The following FCHO2 variants were observed in gnomAD, a reference collection of about 807,000 sequenced individuals.
The protein encoded by FCHO2 is FCH and mu domain containing endocytic adaptor 2, also known as F-BAR domain only protein 2.
FCHO2 carries 43 observed loss-of-function variants against 114.1 expected under a neutral mutation model. The observed-to-expected ratio is 0.38, with a 90% confidence interval of 0.30 to 0.49. The LOEUF is 0.49. FCHO2 is among the 20% of genes least tolerant of loss of function. The pLI is 0.97. For missense variants in FCHO2, 807 were observed against 950.4 expected (o/e 0.85, Z 1.98); for synonymous variants, 293 against 315.2 (o/e 0.93, Z 0.75).
intron 9 of FCHO2, among the ~76,000 whole-genome samples, 182 bp downstream of exon 9, chr5:73,034,883 G>T (rs1209761315): frequency 6.6e-6 from 1 of 152,120 alleles, no homozygotes; most frequent in Non-Finnish European, 1.5e-5. Flanking sequence ...ATAAATAACA[G>T]ATTTTCCCAA....
chr5:72,994,205 T>A (rs560558103), intron 5 of FCHO2, among the ~76,000 whole-genome samples: 1 of 152,232 alleles, frequency 6.6e-6, no homozygotes, highest in African/African-American at 2.4e-5. Flanking sequence ...AGACAACCTG[T>A]AGAATGGGAG....
chr5:72,996,496 A>G (rs999892649), intron 5 of FCHO2, among the ~76,000 whole-genome samples: 8 of 152,072 alleles, frequency 5.3e-5, no homozygotes, highest in Non-Finnish European at 8.8e-5. Flanking sequence ...ATTCTCTGTA[A>G]AAACAGAAAA....
At chr5:73,071,716 T>C (rs1195184948) in intron 19 of FCHO2, among the ~76,000 whole-genome samples, 1 of 152,060 alleles carries the variant, frequency 6.6e-6, no homozygotes, top group African/African-American at 2.4e-5. Flanking sequence ...TTTTGAAGTA[T>C]CCATGTGCAA....
At chr5:73,036,105 C>G (rs1470474662) in intron 9 of FCHO2, among the ~76,000 whole-genome samples, 1 of 151,902 alleles carries the variant, frequency 6.6e-6, no homozygotes, top group African/African-American at 2.4e-5. Flanking sequence ...GTCGGCCTTC[C>G]AAAGTGCTGG....
intron 16 of FCHO2, among the ~76,000 whole-genome samples, chr5:73,057,144 AG>A (rs1298022317): frequency 6.6e-6 from 1 of 150,976 alleles, no homozygotes; most frequent in Non-Finnish European, 1.5e-5. Context: ...TATATTTCCC[AG>A]GCTGGTCTCG....
chr5:73,085,024 A>G (rs1291573919), intron 24 of FCHO2, among the ~76,000 whole-genome samples: 1 of 152,254 alleles, frequency 6.6e-6, no homozygotes, highest in African/African-American at 2.4e-5. Context: ...TACTATTGTA[A>G]ATAATTAACA....
intron 8 of FCHO2, among the ~76,000 whole-genome samples, chr5:73,017,947 A>G (rs1218929031): frequency 6.6e-6 from 1 of 152,140 alleles, no homozygotes; most frequent in Non-Finnish European, 1.5e-5. Context: ...ATCAAATGTA[A>G]TAAGTACCCC....
intron 22 of FCHO2, among the ~76,000 whole-genome samples, chr5:73,078,887 T>C (rs1743001322): frequency 6.6e-6 from 1 of 152,170 alleles, no homozygotes; most frequent in Non-Finnish European, 1.5e-5. Context: ...GAGAAAAATA[T>C]TCACAAAGAA....
In FCHO2 at chr5:73,081,980, A is replaced by G. The variant is rs766927621; in HGVS notation, c.2178A>G (p.Ile726Met). The change falls in exon 23 of 26, where the codon ATA becomes ATG. Residue 726 changes from isoleucine (I) to methionine (M), a missense_variant and splice_region_variant. Transcript: ENST00000430046. ...ACATGCAGTCCCTTCCCCCTGCAATATGGTAAATTAAACATACGTTTCTGA... is the reference window on the plus strand; with the variant it reads ...ACATGCAGTCCCTTCCCCCTGCAATGTGGTAAATTAAACATACGTTTCTGA... ...VTNMQSLPPAIWNAEQMKAFW... is the reference protein window; with the variant it reads ...VTNMQSLPPAMWNAEQMKAFW... 6.7e-7 allele frequency: 1 copy of G among 1,494,896 alleles called. No individual in the cohort carries two copies. The highest frequency in any genetic ancestry group is 1.4e-5 in the African/African-American group (1 of 70,832). The allele number at this position is 1,494,896 out of a possible 1,614,324, so 92.6% of individuals were successfully genotyped here. A position where few individuals can be genotyped will look rare whatever the true frequency, so the allele number is the denominator to read the frequency against.
chr5:72,997,752 G>C (rs1754202341), intron 5 of FCHO2: 3 of 1,396,392 alleles, frequency 2.1e-6, no homozygotes, highest in Admixed American at 2.3e-5. Context: ...GGCAGGGTCT[G>C]CCCCTCCAAC....
chr5:73,058,439 A>G lies in FCHO2; in HGVS notation c.1260A>G (p.Gly420=). 4 of 1,555,554 alleles carry G rather than the reference A, an allele frequency of 2.6e-6. No individual in the cohort carries two copies. The highest frequency in any genetic ancestry group is 3.5e-6 in the Non-Finnish European group (4 of 1,149,628). ...SKPSAPPNEK[G]TSDLLAWDPL... is the part of the protein sequence containing the mutation. Reference sequence around the variant, plus strand: ...TTTAAAAATATTATGGTAGAAAAGGAACCAGTGATTTACTTGCTTGGGACC... The same window carrying G: ...TTTAAAAATATTATGGTAGAAAAGGGACCAGTGATTTACTTGCTTGGGACC... The change falls in exon 17 of 26, where the codon GGA becomes GGG. Residue 420 remains glycine, a synonymous_variant. Transcript: ENST00000430046.
At position 73,052,349 on chromosome 5, in the gene FCHO2, T is replaced by G; in HGVS notation, c.1015T>G (p.Phe339Val). Residue 339 changes from phenylalanine to valine, a missense_variant, in exon 13 of 26, where the codon TTC becomes GTC. Transcript: ENST00000430046. Reference protein sequence around the residue: ...TNQNDTKENHFYSSSDSDSED... With the variant: ...TNQNDTKENHVYSSSDSDSED... ...AAACTCACATACCAAAGAGAACCAT[T>G]TCTACTCATCTAGTGATTCTGACTC... The G allele has an allele frequency of 2.5e-6, 4 of 1,608,170 alleles. No individual in the cohort carries two copies. Among genetic ancestry groups the G allele is most frequent in the Non-Finnish European group, 3.4e-6 (4 of 1,177,192 alleles).
chr5:73,087,984 G>A, intron 25 of FCHO2, 84 bp from the exon 26 acceptor site: 2 of 1,570,304 alleles, frequency 1.3e-6, no homozygotes, highest in East Asian at 2.3e-5. Context: ...GGGAACTAGA[G>A]TTTTGTATTG....
intron 8 of FCHO2, among the ~76,000 whole-genome samples, chr5:73,034,302 A>G (rs572424568): frequency 1.3e-5 from 2 of 152,296 alleles, no homozygotes; most frequent in African/African-American, 4.8e-5. Flanking sequence ...GGATTCAGCA[A>G]CCACCTTTAC....
At chr5:73,014,589 ATAT>A (rs1367331543) in intron 6 of FCHO2, among the ~76,000 whole-genome samples, 1 of 152,034 alleles carries the variant, frequency 6.6e-6, no homozygotes, top group East Asian at 1.9e-4. Context: ...TGCCCGGTGT[ATAT>A]TATTATTTCA....
chr5:72,992,460 A>C (rs548511772), intron 5 of FCHO2, among the ~76,000 whole-genome samples: 2 of 152,342 alleles, frequency 1.3e-5, no homozygotes, highest in South Asian at 4.1e-4. Flanking sequence ...TGGCACGTAG[A>C]GATTGATTAT....
intron 24 of FCHO2, among the ~76,000 whole-genome samples, chr5:73,086,407 T>G (rs1580216631): frequency 6.6e-6 from 1 of 152,308 alleles, no homozygotes; most frequent in Non-Finnish European, 1.5e-5. Context: ...CTATTCTCCA[T>G]TTCTCTGTGT....
chr5:73,041,276 A>G lies in FCHO2; in HGVS notation c.915-15A>G, dbSNP rs768214329. 30 of 1,465,022 alleles carry G rather than the reference A, an allele frequency of 2.0e-5. No individual in the cohort carries two copies. The highest frequency in any genetic ancestry group is 2.8e-5 in the Non-Finnish European group (29 of 1,052,140). 90.8% of individuals were successfully genotyped at this position (1,465,022 alleles called of 1,614,324 possible). On this transcript the variant is annotated splice_polypyrimidine_tract_variant and intron_variant, in intron 10 of 25. Transcript: ENST00000430046. ...ATTCTAATTATTGAGTATTTCTGAT[A>G]TTTTGTTTTAATAGGGAATGTCCTG... is the stretch of plus-strand genomic sequence containing the variant.
intron 5 of FCHO2, chr5:72,997,489 G>A: frequency 6.6e-7 from 1 of 1,512,308 alleles, no homozygotes; most frequent in South Asian, 1.1e-5. Flanking sequence ...GGGTTTACAG[G>A]AGCCATCCAG....
Sources: allele counts gnomAD v4.1 joint callset (sites outside exome capture counted in the v4.1 genomes callset), GRCh38; gene constraint gnomAD v4.1.1; transcripts MANE v1.5; gene names NCBI Gene and HGNC (gene_info 2026-07-23, HGNC 2026-07-21).